Variants in LMAN2 observed in about 807,000 individuals in gnomAD.
LMAN2 encodes the protein lectin, mannose binding 2.
LMAN2 carries 22 observed loss-of-function variants against 39.3 expected under a neutral mutation model. The observed-to-expected ratio is 0.56, with a 90% confidence interval of 0.40 to 0.80. The LOEUF (loss-of-function observed/expected upper bound fraction) is 0.80. Among genes scored for constraint, LMAN2 ranks in the 30% least tolerant of loss-of-function variants. The probability of loss-of-function intolerance (pLI) is 0.00; values close to 1 mark genes in which losing one functional copy is unlikely to be tolerated. For missense variants in LMAN2, 494 were observed against 505.4 expected (o/e 0.98, Z 0.22); for synonymous variants, 207 against 207.8 (o/e 1.00, Z 0.03).
chr5:177,333,286 A>G (rs1023004623), intron 7 of LMAN2, among the ~76,000 whole-genome samples: 3 of 152,208 alleles, frequency 2.0e-5, no homozygotes, highest in Non-Finnish European at 1.5e-5. Flanking sequence ...CACCCAGCCC[A>G]TGGCTAGGCA....
At chr5:177,350,468 C>T (rs912353100) in intron 2 of LMAN2, among the ~76,000 whole-genome samples, 1 of 152,192 alleles carries the variant, frequency 6.6e-6, no homozygotes, top group African/African-American at 2.4e-5. Flanking sequence ...ACTACATACT[C>T]TGAGGCAAAG....
At chr5:177,347,315 A>G (rs1192478957) in intron 2 of LMAN2, among the ~76,000 whole-genome samples, 1 of 152,124 alleles carries the variant, frequency 6.6e-6, no homozygotes. Context: ...CATTCCCAGC[A>G]TGTTCACGGG....
At chr5:177,334,784 A>G (rs898117955) in intron 6 of LMAN2, among the ~76,000 whole-genome samples, 3 of 152,218 alleles carry the variant, frequency 2.0e-5, no homozygotes, top group Non-Finnish European at 2.9e-5. Flanking sequence ...TGCCTGCAGA[A>G]TAAGTGCTCA....
At chr5:177,348,092 C>T (rs1181489883) in intron 2 of LMAN2, among the ~76,000 whole-genome samples, 1 of 152,040 alleles carries the variant, frequency 6.6e-6, no homozygotes, top group Non-Finnish European at 1.5e-5. Context: ...ATTATCCATC[C>T]AGATGGGGGT....
In LMAN2 at chr5:177,337,121, G is replaced by C; in HGVS notation, c.790+15C>G. Reference sequence around the variant, plus strand: ...GAGCTGGGCTGGGAACCAACGCCTGGCCCGGCCCACTCACCAGACAGGTCG... The same window carrying C: ...GAGCTGGGCTGGGAACCAACGCCTGCCCCGGCCCACTCACCAGACAGGTCG... On this transcript the variant is annotated intron_variant, in intron 6 of 7. Coordinates refer to ENST00000303127, the MANE Select transcript of LMAN2 (RefSeq NM_006816.3). The surrounding 1 kb of genome is among the most constrained non-coding windows in gnomAD (Gnocchi z 8.2). 1 of 1,595,592 alleles carries C rather than the reference G, an allele frequency of 6.3e-7. No homozygotes were observed. Among genetic ancestry groups the C allele is most frequent in the Non-Finnish European group, 8.6e-7 (1 of 1,165,870 alleles).
intron 2 of LMAN2, among the ~76,000 whole-genome samples, chr5:177,348,449 G>A (rs1382605718): frequency 6.6e-6 from 1 of 152,102 alleles, no homozygotes; most frequent in Non-Finnish European, 1.5e-5. Context: ...CACTTTGGGA[G>A]GCCGAGGTGG....
In LMAN2 at chr5:177,332,099, T is replaced by C. The variant is rs753283899; in HGVS notation, c.1058A>G (p.Lys353Arg). The C allele has an allele frequency of 6.2e-7, 1 of 1,612,340 alleles. No homozygotes were observed. Among genetic ancestry groups the C allele is most frequent in the Non-Finnish European group, 8.5e-7 (1 of 1,179,578 alleles). The part of the protein sequence containing the change: ...VVFQKRQERN[K>R]RFY ...CGGAGGCGCCACTCAGTAGAAGCGCTTGTTCCGCTCCTGCCGCTTCTGGAA... is the reference window on the plus strand; with the variant it reads ...CGGAGGCGCCACTCAGTAGAAGCGCCTGTTCCGCTCCTGCCGCTTCTGGAA... The change falls in exon 8 of 8, where the codon AAG becomes AGG. Residue 353 changes from lysine (K) to arginine (R), a missense_variant. Physicochemically the swap from Lys to Arg is conservative, Grantham distance 26 (BLOSUM62 2). Transcript: ENST00000303127. This position sits in a 1 kb window ranked among gnomAD's most constrained non-coding sequence, Gnocchi z 6.3.
chr5:177,332,150 A>G lies in LMAN2; in HGVS notation c.1007T>C (p.Val336Ala). 6.2e-7 allele frequency: 1 copy of G among 1,613,646 alleles called. No homozygotes were observed. Among genetic ancestry groups the G allele is most frequent in the Admixed American group, 1.7e-5 (1 of 60,006 alleles). ...CACCACGGCCCCCACCACGGCGCAG[A>G]CAACGATGCCCAGGAGAGCGCACAG... Reference protein sequence around the residue: ...LLLCALLGIVVCAVVGAVVFQ... With the variant: ...LLLCALLGIVACAVVGAVVFQ... The change falls in exon 8 of 8, where the codon GTC becomes GCC. Residue 336 changes from valine to alanine, a missense_variant. Coordinates refer to ENST00000303127, the MANE Select transcript of LMAN2 (RefSeq NM_006816.3). The surrounding 1 kb of genome is among the most constrained non-coding windows in gnomAD (Gnocchi z 6.3).
chr5:177,341,347 TG>T (rs1465536244), intron 2 of LMAN2, among the ~76,000 whole-genome samples: 7 of 151,980 alleles, frequency 4.6e-5, no homozygotes, highest in Admixed American at 2.0e-4. Flanking sequence ...ATTACAGGCG[TG>T]AGCCACCGCG....
At chr5:177,340,055 G>A (rs749721010) in intron 2 of LMAN2, among the ~76,000 whole-genome samples, 3 of 152,074 alleles carry the variant, frequency 2.0e-5, no homozygotes, top group Non-Finnish European at 4.4e-5. Context: ...AGTAAGATGT[G>A]AGAAATGAAG....
At chr5:177,336,579 G>T (rs1309166923) in intron 6 of LMAN2, among the ~76,000 whole-genome samples, 2 of 152,162 alleles carry the variant, frequency 1.3e-5, no homozygotes, top group Non-Finnish European at 2.9e-5. Flanking sequence ...AAGCCACAGG[G>T]ACTGTTGATG....
chr5:177,335,101 G>A (rs547089143), intron 6 of LMAN2, among the ~76,000 whole-genome samples: 29 of 152,332 alleles, frequency 1.9e-4, no homozygotes, highest in Non-Finnish European at 3.2e-4. Context: ...GTCAGCCTGG[G>A]ACTGGAATCT....
intron 6 of LMAN2, among the ~76,000 whole-genome samples, chr5:177,335,671 C>T (rs897057492): frequency 1.3e-5 from 2 of 152,188 alleles, no homozygotes. Context: ...AGGGTGCTTA[C>T]CAGACCTCTC....
Position 177,337,362 on chromosome 5 carries a change from C to T in LMAN2, c.675+1G>A. 3.1e-6 allele frequency: 5 copies of T among 1,610,898 alleles called. No homozygotes were observed. Among genetic ancestry groups the T allele is most frequent in the Non-Finnish European group, 4.2e-6 (5 of 1,179,866 alleles). On this transcript the variant is annotated splice_donor_variant, in intron 5 of 7. Transcript: ENST00000303127. LOFTEE classifies it high-confidence loss of function. The surrounding 1 kb of genome is among the most constrained non-coding windows in gnomAD (Gnocchi z 8.2). ...CCACCCCCACCGCCTAGCCTGCTCA[C>T]CGTCAGACGGCCCCGGGAGTAGCGC...
chr5:177,337,641 C>G lies in LMAN2; in HGVS notation c.513+65G>C. On this transcript the variant is annotated intron_variant, in intron 4 of 7. Coordinates refer to ENST00000303127, the MANE Select transcript of LMAN2 (RefSeq NM_006816.3). The surrounding 1 kb of genome is among the most constrained non-coding windows in gnomAD (Gnocchi z 8.2). The stretch of plus-strand genomic sequence containing the variant: ...TGCTGGGACCATGGAAGTCCCAGGG[C>G]CCCCTCCTCTAGCCGACTGCCCAGT... 2 of 1,602,580 alleles carry G rather than the reference C, an allele frequency of 1.2e-6. No individual in the cohort carries two copies. Among genetic ancestry groups the G allele is most frequent in the Admixed American group, 3.4e-5 (2 of 58,842 alleles).
intron 2 of LMAN2, among the ~76,000 whole-genome samples, chr5:177,346,962 C>T (rs1347717357): frequency 6.6e-6 from 1 of 152,064 alleles, no homozygotes; most frequent in Non-Finnish European, 1.5e-5. Context: ...AAAGAACCTA[C>T]GTGGCACACT....
In LMAN2 at chr5:177,351,488, G is replaced by A. The variant is rs1253255921; in HGVS notation, c.160C>T (p.Leu54Phe). 6.2e-7 allele frequency: 1 copy of A among 1,613,966 alleles called. No individual in the cohort carries two copies. Among genetic ancestry groups the A allele is most frequent in the African/African-American group, 1.3e-5 (1 of 74,944 alleles). ...ADITDGNSEH[L>F]KREHSLIKPY... ...TTAATGAGCGAATGCTCCCGCTTGA[G>A]ATGTTCACTGTTGCCGTCAGTTATA... Residue 54 changes from leucine to phenylalanine, a missense_variant, in exon 1 of 8, where the codon CTC becomes TTC. By Grantham distance (22) the Leu-to-Phe change is conservative (BLOSUM62 0). Coordinates refer to ENST00000303127, the MANE Select transcript of LMAN2 (RefSeq NM_006816.3).
intron 6 of LMAN2, among the ~76,000 whole-genome samples, chr5:177,336,053 A>T (rs1279827992): frequency 6.6e-6 from 1 of 152,240 alleles, no homozygotes; most frequent in Non-Finnish European, 1.5e-5. Flanking sequence ...CAGGAGGGCC[A>T]GAGACAATAA....
At chr5:177,347,115 A>G (rs1474932599) in intron 2 of LMAN2, among the ~76,000 whole-genome samples, 2 of 152,122 alleles carry the variant, frequency 1.3e-5, no homozygotes, top group Non-Finnish European at 2.9e-5. Context: ...ATATTTGAAA[A>G]CTTTAAAAAA....
Sources: allele counts gnomAD v4.1 joint callset (sites outside exome capture counted in the v4.1 genomes callset), GRCh38; gene constraint gnomAD v4.1.1; non-coding constraint Gnocchi (gnomAD v3.1); transcripts MANE v1.5; gene names NCBI Gene and HGNC (gene_info 2026-07-23, HGNC 2026-07-21).